Variants in TET2 observed in about 807,000 individuals in gnomAD.
TET2 encodes methylcytosine dioxygenase TET2.
TET2 carries 299 observed loss-of-function variants against 142.9 expected under a neutral mutation model. The observed-to-expected ratio is 2.09, with a 90% CI of 1.90 to 2.30. The LOEUF is 2.30. Among genes scored for constraint, TET2 ranks in the 30% most tolerant of loss-of-function variants. The pLI, the probability that TET2 is intolerant of heterozygous loss-of-function variation, is 0.00. For synonymous variants in TET2, 819 were observed against 849.0 expected, an observed-to-expected ratio of 0.96 and a Z score of 0.61; for missense variants, 2,418 against 2,378.0, an observed-to-expected ratio of 1.02 and a Z score of -0.35.
At chr4:105,166,240 T>G (rs552009800) in intron 1 of TET2, among the ~76,000 whole-genome samples, 2 of 152,164 alleles carry the variant, frequency 1.3e-5, no homozygotes, top group African/African-American at 4.8e-5. Context: ...GATGCTACTT[T>G]AAGCATTAGG....
chr4:105,275,270 A>ATATC lies in TET2; in HGVS notation c.4764_4767dup (p.Gly1590LeufsTer25). 6.4e-7 allele frequency: 1 copy of ATATC among 1,552,286 alleles called. No homozygotes were observed. On this transcript the variant is annotated frameshift_variant, in exon 11 of 11. Transcript: ENST00000380013. LOFTEE classifies it low-confidence loss of function (END_TRUNC). Reference sequence around the variant, plus strand: ...TATCCAAACTCTTCACACACTTCAGATATCTATGGAAGCACCAGCCCTATG... The same window carrying ATATC: ...TATCCAAACTCTTCACACACTTCAGATATCTATCTATGGAAGCACCAGCCCTATG...
At chr4:105,262,930 G>C (rs1730515048) in intron 8 of TET2, among the ~76,000 whole-genome samples, 2 of 151,756 alleles carry the variant, frequency 1.3e-5, no homozygotes, top group South Asian at 4.2e-4. Flanking sequence ...GTTTATGCCT[G>C]TAATCCCAGC....
Position 105,236,991 on chromosome 4 carries a change from GATAATGTGCAGCAAA to G in TET2, c.3051_3065del (p.Asp1017_Lys1022delinsGlu). ...GCAAGAGAATCCACCTGCAAGCTGT[GATAATGTGCAGCAAA>G]AGAGCATCATTGAGACCATGGAGCA... is the stretch of plus-strand genomic sequence containing the variant. On this transcript the variant is annotated inframe_deletion, in exon 3 of 11. Transcript: ENST00000380013. The G allele has an allele frequency of 6.2e-7, 1 of 1,614,154 alleles. No homozygotes were observed. The highest frequency in any genetic ancestry group is 8.5e-7 in the Non-Finnish European group (1 of 1,180,024).
chr4:105,175,358 A>AATAT (rs1463342857), intron 1 of TET2, among the ~76,000 whole-genome samples: 1 of 152,176 alleles, frequency 6.6e-6, no homozygotes, highest in East Asian at 1.9e-4. Context: ...GGATAATGTA[A>AATAT]ATATAGAGAC....
At chr4:105,154,070 A>C (rs1245517867) in intron 1 of TET2, among the ~76,000 whole-genome samples, 1 of 152,228 alleles carries the variant, frequency 6.6e-6, no homozygotes, top group Non-Finnish European at 1.5e-5. Context: ...ATTTTAAGTA[A>C]CGTCCAGAAT....
intron 2 of TET2, among the ~76,000 whole-genome samples, chr4:105,226,477 G>A (rs996761323): frequency 2.6e-5 from 4 of 152,078 alleles, no homozygotes. Context: ...TGGAGGTGGG[G>A]GCCTGGTGGG....
chr4:105,152,094 A>G (rs150928505), intron 1 of TET2, among the ~76,000 whole-genome samples: 2,024 of 152,246 alleles, frequency 0.013, 41 homozygotes, highest in African/African-American at 0.046. Context: ...TCTGGCCAAC[A>G]TGGTGAAACC....
intron 3 of TET2, chr4:105,240,757 C>T: frequency 9.3e-7 from 1 of 1,079,996 alleles, no homozygotes; most frequent in Non-Finnish European, 1.1e-6. Context: ...TTGCCTGACT[C>T]TCCAGGATTT....
intron 6 of TET2, among the ~76,000 whole-genome samples, chr4:105,244,584 A>ATTTTTTTT (rs1237638072): frequency 3.4e-5 from 4 of 116,752 alleles, no homozygotes; most frequent in Non-Finnish European, 5.2e-5. Context: ...CTACACAGAA[A>ATTTTTTTT]TGTTTTTTTT....
chr4:105,222,128 G>C (rs1174247094), intron 2 of TET2, among the ~76,000 whole-genome samples: 3 of 151,824 alleles, frequency 2.0e-5, no homozygotes, highest in African/African-American at 7.3e-5. Flanking sequence ...TGGACATTAG[G>C]GTTGGTTCCA....
rs1284969452 is a variant in TET2 at position 105,234,182 on chromosome 4, A to G, written c.240A>G (p.Gln80=). 5 of 1,614,200 alleles carry G rather than the reference A, an allele frequency of 3.1e-6. No individual in the cohort carries two copies. In the Admixed American group the frequency reaches 5.0e-5, roughly 16 times the overall value. ...QNSRVSPDFT[Q]ESRGYSKCLQ... is the part of the protein sequence containing the mutation. ...GTCGTGTGAGTCCTGACTTTACACA[A>G]GAAAGTAGAGGGTATTCCAAGTGTT... Residue 80 remains glutamine (Q), a synonymous_variant, in exon 3 of 11, where the codon CAA becomes CAG. Transcript: ENST00000380013.
chr4:105,240,047 T>G (rs1729207283), intron 3 of TET2: 1 of 238,196 alleles, frequency 4.2e-6, no homozygotes. Flanking sequence ...TTTACCAGAT[T>G]ATGGGTACGG....
rs1237638072 is a variant in TET2 at position 105,244,584 on chromosome 4, A to ATCTTTTTTTTTTTTTTTTTTTTTTTTTTT, written c.3803+807_3803+808insCTTTTTTTTTTTTTTTTTTTTTTTTTTTT. On this transcript the variant is annotated intron_variant, in intron 6 of 10. Coordinates refer to ENST00000380013, the MANE Select transcript of TET2 (RefSeq NM_001127208.3). Reference sequence around the variant, plus strand: ...TGAATGTTCACGGTGCTACACAGAAATGTTTTTTTTTTTTTTTTTTTTTTT... The same window carrying ATCTTTTTTTTTTTTTTTTTTTTTTTTTTT: ...TGAATGTTCACGGTGCTACACAGAAATCTTTTTTTTTTTTTTTTTTTTTTTTTTTTGTTTTTTTTTTTTTTTTTTTTTTT... 8.6e-5 allele frequency among the ~76,000 whole-genome samples: 10 copies of ATCTTTTTTTTTTTTTTTTTTTTTTTTTTT among 116,756 alleles called. 3 individuals are homozygous for ATCTTTTTTTTTTTTTTTTTTTTTTTTTTT. Among genetic ancestry groups the ATCTTTTTTTTTTTTTTTTTTTTTTTTTTT allele is most frequent in the African/African-American group, 1.8e-4 (5 of 28,436 alleles). The allele number at this position is 116,756 out of a possible 152,430, so 76.6% of individuals were successfully genotyped here. A position where few individuals can be genotyped will look rare whatever the true frequency, so the allele number is the denominator to read the frequency against.
chr4:105,184,992 T>A (rs1725341921), intron 1 of TET2, among the ~76,000 whole-genome samples: 3 of 152,204 alleles, frequency 2.0e-5, no homozygotes, highest in Non-Finnish European at 4.4e-5. Flanking sequence ...AAATTCAGCA[T>A]GATAAACAAA....
At position 105,236,823 on chromosome 4, in the gene TET2, G is replaced by A. The variant is rs774438272; in HGVS notation, c.2881G>A (p.Glu961Lys). The change falls in exon 3 of 11, where the codon GAA (glutamate) becomes AAA (lysine). Residue 961 changes from glutamate to lysine, a missense_variant. By Grantham distance (56) the Glu-to-Lys change is moderately conservative. Coordinates refer to ENST00000380013, the MANE Select transcript of TET2 (RefSeq NM_001127208.3). ...AAGGTGGCATCTCTTACAGAAGCAA[G>A]AACAGCAGCAAACACAGCAACCCCA... is the stretch of plus-strand genomic sequence containing the variant. ...ALRWHLLQKQEQQQTQQPQTE... is the reference protein window; with the variant it reads ...ALRWHLLQKQKQQQTQQPQTE... 6.2e-7 allele frequency: 1 copy of A among 1,614,112 alleles called. No individual in the cohort carries two copies. Among genetic ancestry groups the A allele is most frequent in the Non-Finnish European group, 8.5e-7 (1 of 1,180,018 alleles).
At chr4:105,204,270 TAC>T (rs1423620681) in intron 2 of TET2, among the ~76,000 whole-genome samples, 1 of 86,456 alleles carries the variant, frequency 1.2e-5, no homozygotes, top group Non-Finnish European at 2.8e-5. Flanking sequence ...CACACACACA[TAC>T]ATACATACAT....
rs1729376031 is a variant in TET2, at chr4:105,242,829, T to G, written c.3501-5T>G. ...TGTGTGTGTGTTTCTGTGGGTTTCT[T>G]TAAGGTTTGGACAGAAGGGTAAAGC... On this transcript the variant is annotated splice_polypyrimidine_tract_variant and splice_region_variant and intron_variant, in intron 4 of 10. Transcript: ENST00000380013. 6.5e-7 allele frequency: 1 copy of G among 1,548,430 alleles called. No homozygotes were observed. The highest frequency in any genetic ancestry group is 8.7e-7 in the Non-Finnish European group (1 of 1,146,230).
chr4:105,263,579 TG>T (rs1249213094), intron 8 of TET2, among the ~76,000 whole-genome samples: 1 of 152,094 alleles, frequency 6.6e-6, no homozygotes, highest in African/African-American at 2.4e-5. Flanking sequence ...AGTTTTGGGA[TG>T]GGGAGAAGAT....
Position 105,252,152 on chromosome 4 carries a change from T to G in TET2, c.3804-7467T>G, listed in dbSNP as rs137916663. ...ACAGTATCATTCAGAGTAATTTCAC[T>G]GCCTTAAAAGTCCTCTGTACCCTAC... On this transcript the variant is annotated intron_variant, in intron 6 of 10. Coordinates refer to ENST00000380013, the MANE Select transcript of TET2 (RefSeq NM_001127208.3). Among the ~76,000 whole-genome samples, 338 of 152,332 alleles carry G rather than the reference T, an allele frequency of 2.2e-3. 2 individuals carry two copies. The highest frequency in any genetic ancestry group is 7.7e-3 in the African/African-American group (319 of 41,584).
Sources: gnomAD v4.1 joint callset for allele counts (sites outside exome capture counted in the v4.1 genomes callset) on GRCh38, gnomAD v4.1.1 for gene constraint, MANE v1.5 for transcripts, NCBI Gene and HGNC (gene_info 2026-07-23, HGNC 2026-07-21) for gene names.